The following INTS4 variants were observed in gnomAD, a reference collection of about 807,000 sequenced individuals.
INTS4 encodes the protein MSTP093.
A neutral mutation model predicts 119.5 loss-of-function variants in INTS4; 70 were observed. That is an observed-to-expected ratio of 0.59 (90% CI 0.48 to 0.71). The LOEUF (loss-of-function observed/expected upper bound fraction) is 0.71, where lower values mean the gene tolerates loss of function less well. INTS4 is among the 30% of genes least tolerant of loss of function. INTS4 has a pLI of 0.00. For missense variants in INTS4, 867 were observed against 1,173.2 expected, an observed-to-expected ratio of 0.74 and a Z score of 3.81; for synonymous variants, 316 against 419.6, an observed-to-expected ratio of 0.75 and a Z score of 3.02.
intron 16 of INTS4, among the ~76,000 whole-genome samples, chr11:77,907,275 T>C (rs1396418808): frequency 6.6e-6 from 1 of 152,188 alleles, no homozygotes; most frequent in Non-Finnish European, 1.5e-5. Flanking sequence ...GGTGTCGCTA[T>C]GTTGCCCAGG....
In INTS4 at chr11:77,941,613, G is replaced by A. The variant is rs556128179; in HGVS notation, c.919-362C>T. Among the ~76,000 whole-genome samples, 243 of 152,144 alleles carry A rather than the reference G, an allele frequency of 1.6e-3. 4 individuals are homozygous for A. Among genetic ancestry groups the A allele is most frequent in the Middle Eastern group, 6.8e-3 (2 of 294 alleles). On this transcript the variant is annotated intron_variant, in intron 8 of 22. Coordinates refer to ENST00000534064, the MANE Select transcript of INTS4 (RefSeq NM_033547.4). ...TGAGTAGCTGGGATTACAGGTGCCC[G>A]CCACCATGCCCGGCTAATTTTTTGT... is the stretch of plus-strand genomic sequence containing the variant.
chr11:77,908,239 T>C (rs558701182), intron 15 of INTS4, among the ~76,000 whole-genome samples: 35 of 152,284 alleles, frequency 2.3e-4, no homozygotes, highest in Non-Finnish European at 4.3e-4. Context: ...TAAATTTTTT[T>C]TTATTATACT....
intron 2 of INTS4, among the ~76,000 whole-genome samples, chr11:77,985,919 A>C (rs559119411): frequency 2.0e-5 from 3 of 152,046 alleles, no homozygotes; most frequent in African/African-American, 7.2e-5. Context: ...CCTGATCACA[A>C]AAAAAAAGTA....
intron 10 of INTS4, among the ~76,000 whole-genome samples, chr11:77,933,880 C>T (rs7119989): frequency 0.23 from 35,455 of 151,924 alleles, 4,195 homozygotes; most frequent in East Asian, 0.27. Context: ...GCAGCCACCC[C>T]GTCTGGGAGG....
intron 2 of INTS4, among the ~76,000 whole-genome samples, chr11:77,987,975 G>C (rs1856521344): frequency 6.6e-6 from 1 of 152,168 alleles, no homozygotes; most frequent in Non-Finnish European, 1.5e-5. Flanking sequence ...TGGTAACATG[G>C]TGAAACCTCA....
chr11:77,971,845 A>T (rs1227125548), intron 4 of INTS4, among the ~76,000 whole-genome samples: 2 of 152,110 alleles, frequency 1.3e-5, no homozygotes, highest in Non-Finnish European at 2.9e-5. Context: ...CAAAATCCAA[A>T]GACACTAAAA....
chr11:77,990,660 T>A (rs1377241590), intron 2 of INTS4, among the ~76,000 whole-genome samples: 1 of 128,190 alleles, frequency 7.8e-6, no homozygotes, highest in Non-Finnish European at 1.5e-5. Context: ...CACTCCAGCA[T>A]GGGCAACAGA....
chr11:77,923,527 A>C (rs1334339824), intron 12 of INTS4, among the ~76,000 whole-genome samples: 3 of 152,116 alleles, frequency 2.0e-5, no homozygotes, highest in Non-Finnish European at 4.4e-5. Flanking sequence ...CTGAAATCAC[A>C]GATCTGTCTG....
chr11:77,968,841 T>C (rs1403744137), intron 4 of INTS4, among the ~76,000 whole-genome samples: 2 of 152,072 alleles, frequency 1.3e-5, no homozygotes, highest in African/African-American at 4.8e-5. Context: ...AGCAAAAAAC[T>C]TGTAAGTGAA....
chr11:77,904,370 T>A (rs1952875591), intron 16 of INTS4, among the ~76,000 whole-genome samples: 1 of 152,250 alleles, frequency 6.6e-6, no homozygotes. Flanking sequence ...AAGATGTAAG[T>A]TAATTTTAAG....
intron 7 of INTS4, among the ~76,000 whole-genome samples, chr11:77,958,075 T>A (rs970005833): frequency 6.6e-6 from 1 of 152,130 alleles, no homozygotes; most frequent in Non-Finnish European, 1.5e-5. Flanking sequence ...TTTGTATGTG[T>A]CTAAGTCCTA....
rs140217977 is a variant in INTS4 at position 77,967,936 on chromosome 11, T to C, written c.472-6798A>G. Among the ~76,000 whole-genome samples, 510 of 152,332 alleles carry C rather than the reference T, an allele frequency of 3.3e-3. 5 individuals are homozygous for C. The highest frequency in any genetic ancestry group is 6.8e-3 in the Middle Eastern group (2 of 294). The stretch of plus-strand genomic sequence containing the variant: ...GCATCATTAGGTGATTTCATCATTG[T>C]GCAAACATCAGAGTGTACTTACCCA... On this transcript the variant is annotated intron_variant, in intron 4 of 22. Transcript: ENST00000534064.
chr11:77,894,118 C>T (rs969157845), intron 19 of INTS4, among the ~76,000 whole-genome samples, 172 bp downstream of exon 19: 9 of 152,070 alleles, frequency 5.9e-5, no homozygotes, highest in South Asian at 2.1e-4. Context: ...AGGAAAAAAA[C>T]CAAATTAGGT....
At chr11:77,967,357 T>C (rs1034398583) in intron 4 of INTS4, among the ~76,000 whole-genome samples, 1 of 152,130 alleles carries the variant, frequency 6.6e-6, no homozygotes, top group African/African-American at 2.4e-5. Flanking sequence ...TGGTTAGTTG[T>C]CTTTAAGCCA....
intron 14 of INTS4, among the ~76,000 whole-genome samples, chr11:77,920,178 C>CACACATAT (rs1953306811): frequency 1.1e-4 from 3 of 26,900 alleles, no homozygotes; most frequent in Admixed American, 3.3e-4. Context: ...TATACATATA[C>CACACATAT]ATATACACAT....
chr11:77,980,514 G>A (rs181772066), intron 3 of INTS4, among the ~76,000 whole-genome samples: 53 of 152,144 alleles, frequency 3.5e-4, no homozygotes, highest in African/African-American at 1.2e-3. Flanking sequence ...CAAGCAGCTG[G>A]GATAAAGGTG....
At chr11:77,979,948 A>G (rs1856132765) in intron 3 of INTS4, among the ~76,000 whole-genome samples, 1 of 149,050 alleles carries the variant, frequency 6.7e-6, no homozygotes, top group Non-Finnish European at 1.5e-5. Flanking sequence ...ACTGCACTCC[A>G]GCCTAGGCGA....
intron 2 of INTS4, among the ~76,000 whole-genome samples, chr11:77,986,379 T>C (rs530453588): frequency 6.6e-6 from 1 of 152,314 alleles, no homozygotes; most frequent in South Asian, 2.1e-4. Context: ...GGAACACTTT[T>C]ACACTGTTGG....
chr11:77,922,553 A>T, intron 12 of INTS4, 82 bp from the exon 13 acceptor site: 2 of 643,988 alleles, frequency 3.1e-6, no homozygotes, highest in Non-Finnish European at 5.5e-6. Context: ...GAATCAGAAA[A>T]CCTGAACTGG....
Sources: allele counts gnomAD v4.1 joint callset (sites outside exome capture counted in the v4.1 genomes callset), GRCh38; gene constraint gnomAD v4.1.1; transcripts MANE v1.5; gene names NCBI Gene and HGNC (gene_info 2026-07-23, HGNC 2026-07-21).